The following COBLL1 variants were observed in gnomAD, a reference collection of about 807,000 sequenced individuals.
COBLL1 encodes cordon-bleu protein-like 1.
In COBLL1, 50 loss-of-function variants were observed where a neutral mutation model predicts 94.8. That is an observed-to-expected ratio of 0.53 (90% CI 0.42 to 0.67). The LOEUF is 0.67. Among genes scored for constraint, COBLL1 ranks in the 30% least tolerant of loss-of-function variants. The probability of loss-of-function intolerance (pLI) is 0.00; values close to 1 mark genes in which losing one functional copy is unlikely to be tolerated. For synonymous variants in COBLL1, 448 were observed against 473.8 expected (o/e 0.95, Z 0.71); for missense variants, 1,362 against 1,348.7 (o/e 1.01, Z -0.15).
Position 164,728,109 on chromosome 2 carries a change from G to A in COBLL1, c.521C>T (p.Pro174Leu). The change falls in exon 5 of 14, where the codon CCT becomes CTT. Residue 174 changes from proline (P) to leucine (L), a missense_variant. Physicochemically the swap from Pro to Leu is moderately conservative, Grantham distance 98 (BLOSUM62 -3). Transcript: ENST00000652658. Reference protein sequence around the residue: ...SPHASLQELAPIICSKCEFDP... With the variant: ...SPHASLQELALIICSKCEFDP... ...AAACTCACATTTGCTACATATAATAGGGGCAAGCTCTTGAAGCGATGCATG... is the reference window on the plus strand; with the variant it reads ...AAACTCACATTTGCTACATATAATAAGGGCAAGCTCTTGAAGCGATGCATG... 6.2e-7 allele frequency: 1 copy of A among 1,613,650 alleles called. No individual in the cohort carries two copies. The highest frequency in any genetic ancestry group is 1.3e-5 in the African/African-American group (1 of 74,992).
intron 2 of COBLL1, among the ~76,000 whole-genome samples, chr2:164,818,296 A>G (rs1241384616): frequency 7.0e-6 from 1 of 141,974 alleles, no homozygotes; most frequent in African/African-American, 2.9e-5. Context: ...ATGTATGTAT[A>G]CATATGTATA....
chr2:164,673,492 T>C lies in COBLL1; in HGVS notation n.127-7591A>G, dbSNP rs1218582295. ...GAGCTTGAGACCACCCTGGCCAACA[T>C]GGTGAAACCTCATCTCCACTAAAAA... On this transcript the variant is annotated intron_variant and non_coding_transcript_variant, in intron 1 of 2. Coordinates refer to the COBLL1 transcript ENST00000495084. Among the ~76,000 whole-genome samples the C allele has an allele frequency of 3.3e-5, 5 of 152,160 alleles. No homozygotes were observed. The South Asian group carries it at 8.3e-4, about 25-fold the overall frequency.
intron 2 of COBLL1, among the ~76,000 whole-genome samples, chr2:164,752,320 G>A (rs2105589069): frequency 6.6e-6 from 1 of 152,304 alleles, no homozygotes; most frequent in Middle Eastern, 3.4e-3. Context: ...TAGCCAGTAA[G>A]TGGTGGAGCT....
At chr2:164,818,566 T>C (rs1434004905) in intron 2 of COBLL1, among the ~76,000 whole-genome samples, 1 of 148,656 alleles carries the variant, frequency 6.7e-6, no homozygotes, top group Non-Finnish European at 1.5e-5. Context: ...TGTACACATA[T>C]ATAGCATATA....
intron 2 of COBLL1, among the ~76,000 whole-genome samples, chr2:164,781,680 C>A (rs977094143): frequency 2.1e-4 from 32 of 152,214 alleles, no homozygotes; most frequent in African/African-American, 7.5e-4. Context: ...GAGCTACATT[C>A]TTTTCCACTG....
chr2:164,804,395 T>C (rs994822), intron 2 of COBLL1, among the ~76,000 whole-genome samples: 19,874 of 152,100 alleles, frequency 0.13, 1,547 homozygotes, highest in Admixed American at 0.19. Flanking sequence ...ATGAAAATAA[T>C]AAAAGTTTAC....
chr2:164,669,651 A>G (rs1380159447), intron 1 of COBLL1, among the ~76,000 whole-genome samples: 1 of 152,194 alleles, frequency 6.6e-6, no homozygotes, highest in African/African-American at 2.4e-5. Flanking sequence ...ACTGCAAAAC[A>G]TTCTTTCTAA....
intron 2 of COBLL1, among the ~76,000 whole-genome samples, chr2:164,811,483 C>A (rs1684454893): frequency 6.6e-6 from 1 of 151,820 alleles, no homozygotes; most frequent in African/African-American, 2.4e-5. Flanking sequence ...TTGATGTCAT[C>A]CTAAATTTAA....
rs569097149 is a variant in COBLL1, at chr2:164,687,483, A to C, written c.3301-1451T>G. 63 of 1,452,206 alleles carry C rather than the reference A, an allele frequency of 4.3e-5. No individual in the cohort carries two copies. In the African/African-American group the frequency reaches 6.8e-4, roughly 16 times the overall value. 90.0% of individuals were successfully genotyped at this position (1,452,206 alleles called of 1,614,324 possible). ...TGGCCCTGTGCAGGGCCTCAATCAC[A>C]TGCTCCTTGTTCTGCAGCTTGGTGC... is the stretch of plus-strand genomic sequence containing the variant. On this transcript the variant is annotated intron_variant, in intron 13 of 13. Coordinates refer to ENST00000652658, the MANE Select transcript of COBLL1 (RefSeq NM_001365672.2).
intron 3 of COBLL1, among the ~76,000 whole-genome samples, chr2:164,733,754 A>C (rs1380448444): frequency 1.3e-5 from 2 of 152,132 alleles, no homozygotes; most frequent in Admixed American, 6.5e-5. Flanking sequence ...CTCCATGTGG[A>C]TCTTTCTATG....
intron 2 of COBLL1, among the ~76,000 whole-genome samples, chr2:164,830,035 C>A (rs1682995263): frequency 6.6e-6 from 1 of 152,182 alleles, no homozygotes; most frequent in Non-Finnish European, 1.5e-5. Flanking sequence ...AAACCATCCA[C>A]AATGGTTCAG....
chr2:164,797,736 G>A (rs1321565649), intron 2 of COBLL1, among the ~76,000 whole-genome samples: 3 of 152,026 alleles, frequency 2.0e-5, no homozygotes, highest in Non-Finnish European at 4.4e-5. Flanking sequence ...AAAGCAAAAG[G>A]GAATATAGAG....
chr2:164,817,398 G>A (rs1235163961), intron 2 of COBLL1, among the ~76,000 whole-genome samples: 3 of 139,906 alleles, frequency 2.1e-5, no homozygotes, highest in South Asian at 2.2e-4. Context: ...GAAGGACTTA[G>A]AACAACAGAG....
intron 2 of COBLL1, among the ~76,000 whole-genome samples, chr2:164,793,322 A>G (rs1414348601): frequency 6.6e-6 from 1 of 152,052 alleles, no homozygotes; most frequent in Admixed American, 6.6e-5. Context: ...ACAAAGCAAA[A>G]AAAAAAAACA....
At chr2:164,784,335 C>T (rs1417541183) in intron 2 of COBLL1, among the ~76,000 whole-genome samples, 1 of 152,034 alleles carries the variant, frequency 6.6e-6, no homozygotes, top group African/African-American at 2.4e-5. Flanking sequence ...AATCCTAGGT[C>T]GTTTTATTAT....
chr2:164,742,579 G>C (rs1354438774), intron 3 of COBLL1, among the ~76,000 whole-genome samples: 1 of 151,950 alleles, frequency 6.6e-6, no homozygotes, highest in African/African-American at 2.4e-5. Flanking sequence ...CATAAATAGG[G>C]TTCAATGTGT....
At chr2:164,801,568 T>C (rs1321035600) in intron 2 of COBLL1, among the ~76,000 whole-genome samples, 1 of 150,996 alleles carries the variant, frequency 6.6e-6, no homozygotes, top group African/African-American at 2.4e-5. Context: ...CACTAAGCTA[T>C]GATCACACCA....
chr2:164,694,249 T>C lies in COBLL1; in HGVS notation c.3123+20A>G. The C allele has an allele frequency of 6.3e-7, 1 of 1,587,616 alleles. No individual in the cohort carries two copies. The highest frequency in any genetic ancestry group is 8.6e-7 in the Non-Finnish European group (1 of 1,168,552). ...ATGTCATTAAATTTGAATACTTATT[T>C]TTAAAAAGGCTACAGTTACCTTATC... On this transcript the variant is annotated intron_variant, in intron 12 of 13. Coordinates refer to ENST00000652658, the MANE Select transcript of COBLL1 (RefSeq NM_001365672.2).
At chr2:164,712,286 A>T (rs944271649) in intron 7 of COBLL1, among the ~76,000 whole-genome samples, 1 of 152,158 alleles carries the variant, frequency 6.6e-6, no homozygotes, top group African/African-American at 2.4e-5. Flanking sequence ...CACTCAGGGG[A>T]TAGAAACATA....
Sources: gnomAD v4.1 joint callset for allele counts (sites outside exome capture counted in the v4.1 genomes callset) on GRCh38, gnomAD v4.1.1 for gene constraint, MANE v1.5 for transcripts, NCBI Gene and HGNC (gene_info 2026-07-23, HGNC 2026-07-21) for gene names.